The following TC2N variants were observed in gnomAD, a reference collection of about 807,000 sequenced individuals.
The protein encoded by TC2N is tandem C2 domains, nuclear.
TC2N carries 51 observed loss-of-function variants against 61.9 expected under a neutral mutation model. The observed-to-expected ratio is 0.82, with a 90% confidence interval of 0.66 to 1.04. TC2N has a LOEUF of 1.04. Ranked by LOEUF, TC2N falls within the 50% of genes least tolerant of loss-of-function variation. The pLI is 0.00. For synonymous variants in TC2N, 204 were observed against 192.6 expected (o/e 1.06, Z -0.49); for missense variants, 556 against 566.7 (o/e 0.98, Z 0.19).
At position 91,812,440 on chromosome 14, in the gene TC2N, G is replaced by C. The variant is rs1357499190; in HGVS notation, c.173C>G (p.Thr58Ser). Reference sequence around the variant, plus strand: ...TAATTTGGAAAGCAAATAATCCTCAGTACAGCCAAGCTGAGGCTTTACAGA... The same window carrying C: ...TAATTTGGAAAGCAAATAATCCTCACTACAGCCAAGCTGAGGCTTTACAGA... ...SVSVKPQLGC[T>S]EDYLLSKLPS... Residue 58 changes from threonine (T) to serine (S), a missense_variant, in exon 3 of 12, where the codon ACT becomes AGT. Thr to Ser is a moderately conservative substitution (Grantham distance 58). Transcript: ENST00000435962. 1.2e-6 allele frequency: 2 copies of C among 1,612,038 alleles called. No individual in the cohort carries two copies. Among genetic ancestry groups the C allele is most frequent in the Non-Finnish European group, 1.7e-6 (2 of 1,178,570 alleles).
intron 1 of TC2N, among the ~76,000 whole-genome samples, chr14:91,846,168 A>G (rs1208065835): frequency 6.6e-6 from 1 of 152,148 alleles, no homozygotes. Context: ...TCACACCTGC[A>G]TTAGGATTGG....
intron 3 of TC2N, among the ~76,000 whole-genome samples, chr14:91,809,598 A>T (rs1886676269): frequency 6.6e-6 from 1 of 152,140 alleles, no homozygotes; most frequent in Non-Finnish European, 1.5e-5. Flanking sequence ...GTAATGGCAC[A>T]AAGTGAGTTA....
At chr14:91,863,287 C>T (rs774146852) in intron 1 of TC2N, among the ~76,000 whole-genome samples, 3 of 152,126 alleles carry the variant, frequency 2.0e-5, no homozygotes, top group Non-Finnish European at 4.4e-5. Context: ...GCTTGCCCAG[C>T]GCAGTAAGGC....
At chr14:91,831,573 T>C (rs766673931) in intron 1 of TC2N, among the ~76,000 whole-genome samples, 10 of 152,192 alleles carry the variant, frequency 6.6e-5, no homozygotes, top group Non-Finnish European at 1.3e-4. Context: ...ACCACACATG[T>C]ATGGAAACTT....
intron 1 of TC2N, among the ~76,000 whole-genome samples, chr14:91,859,865 C>T (rs1161345547): frequency 6.6e-6 from 1 of 152,148 alleles, no homozygotes; most frequent in Non-Finnish European, 1.5e-5. Context: ...ATAAGCCATT[C>T]TGGTTTGTTG....
intron 8 of TC2N, among the ~76,000 whole-genome samples, chr14:91,793,841 G>A (rs1463857541): frequency 2.6e-5 from 4 of 152,046 alleles, no homozygotes; most frequent in Non-Finnish European, 2.9e-5. Context: ...AGGAACAAAC[G>A]TACATCTCCG....
intron 10 of TC2N, among the ~76,000 whole-genome samples, chr14:91,786,543 C>G (rs1885372090): frequency 6.6e-6 from 1 of 152,160 alleles, no homozygotes; most frequent in Non-Finnish European, 1.5e-5. Context: ...CCTTTTCATG[C>G]TTATTCTTTT....
chr14:91,822,480 T>C (rs1326497686), intron 1 of TC2N, among the ~76,000 whole-genome samples: 1 of 152,102 alleles, frequency 6.6e-6, no homozygotes, highest in Non-Finnish European at 1.5e-5. Context: ...TTATTTTGTC[T>C]TTAATTTGGC....
chr14:91,834,455 CTCT>C (rs1197776263), intron 1 of TC2N, among the ~76,000 whole-genome samples: 1 of 151,890 alleles, frequency 6.6e-6, no homozygotes, highest in African/African-American at 2.4e-5. Flanking sequence ...ATCCTTATTT[CTCT>C]TTTTTCTTTT....
intron 8 of TC2N, among the ~76,000 whole-genome samples, chr14:91,794,148 A>C (rs1885789914): frequency 6.6e-6 from 1 of 152,214 alleles, no homozygotes; most frequent in Non-Finnish European, 1.5e-5. Context: ...CAATTCTATG[A>C]AGCCTGAGAG....
At chr14:91,854,203 A>C (rs1348727275) in intron 1 of TC2N, among the ~76,000 whole-genome samples, 4 of 152,134 alleles carry the variant, frequency 2.6e-5, no homozygotes, top group African/African-American at 9.7e-5. Context: ...GTACTGGCCT[A>C]GAGTTTAGGG....
At position 91,797,850 on chromosome 14, in the gene TC2N, T is replaced by C. The variant is rs1414800254; in HGVS notation, c.790A>G (p.Ile264Val). Reference protein sequence around the residue: ...SSYGDTPTVSIKGILTLPKPV... With the variant: ...SSYGDTPTVSVKGILTLPKPV... Reference sequence around the variant, plus strand: ...TTGGGCAATGTAAGTATTCCTTTTATAGAAACAGTAGGAGTGTCTCCATAA... The same window carrying C: ...TTGGGCAATGTAAGTATTCCTTTTACAGAAACAGTAGGAGTGTCTCCATAA... The change falls in exon 8 of 12, where the codon ATA becomes GTA. Residue 264 changes from isoleucine (I) to valine (V), a missense_variant. Transcript: ENST00000435962. The C allele has an allele frequency of 1.2e-6, 2 of 1,611,226 alleles. No homozygotes were observed. Among genetic ancestry groups the C allele is most frequent in the South Asian group, 1.1e-5 (1 of 90,730 alleles).
chr14:91,844,760 C>CAAAA (rs34223127), intron 1 of TC2N, among the ~76,000 whole-genome samples: 6 of 92,558 alleles, frequency 6.5e-5, no homozygotes, highest in African/African-American at 1.0e-4. Context: ...GACTCTGTCT[C>CAAAA]AAAAAAAAAA....
chr14:91,813,778 A>G lies in TC2N; in HGVS notation c.-9T>C, dbSNP rs779311814. ...ATAAATTCTGTTGCCATTACATTCA[A>G]TTTCCAATATCCAGCAAAAGACACA... is the stretch of plus-strand genomic sequence containing the variant. On this transcript the variant is annotated 5_prime_UTR_variant, in exon 2 of 12. Transcript: ENST00000435962. The G allele has an allele frequency of 6.3e-7, 1 of 1,597,250 alleles. No individual in the cohort carries two copies. The highest frequency in any genetic ancestry group is 8.6e-7 in the Non-Finnish European group (1 of 1,166,460).
intron 2 of TC2N, among the ~76,000 whole-genome samples, chr14:91,812,749 G>A (rs186834509): frequency 6.7e-4 from 102 of 151,886 alleles, no homozygotes; most frequent in Non-Finnish European, 1.1e-3. Context: ...TACTGTTAAA[G>A]TGCATTAACT....
At chr14:91,790,222 T>C (rs940525851) in intron 9 of TC2N, among the ~76,000 whole-genome samples, 3 of 152,186 alleles carry the variant, frequency 2.0e-5, no homozygotes, top group African/African-American at 4.8e-5. Context: ...AATACCGAAA[T>C]TTGAGATGTG....
intron 11 of TC2N, among the ~76,000 whole-genome samples, chr14:91,784,073 C>T (rs906281313): frequency 3.9e-5 from 6 of 152,100 alleles, no homozygotes; most frequent in Non-Finnish European, 7.4e-5. Flanking sequence ...CATAGTTCCT[C>T]CTAAGGCTAT....
intron 4 of TC2N, among the ~76,000 whole-genome samples, chr14:91,800,934 TGAGA>T (rs547963250): frequency 3.6e-4 from 45 of 125,934 alleles, no homozygotes; most frequent in East Asian, 1.1e-3. Context: ...ATTCACTGGT[TGAGA>T]GAGATATATA....
At chr14:91,811,454 T>C (rs995735594) in intron 3 of TC2N, among the ~76,000 whole-genome samples, 1 of 151,998 alleles carries the variant, frequency 6.6e-6, no homozygotes, top group Non-Finnish European at 1.5e-5. Context: ...AATGGACTAA[T>C]ACAAATTGTT....
Sources: gnomAD v4.1 joint callset for allele counts (sites outside exome capture counted in the v4.1 genomes callset) on GRCh38, gnomAD v4.1.1 for gene constraint, MANE v1.5 for transcripts, NCBI Gene and HGNC (gene_info 2026-07-23, HGNC 2026-07-21) for gene names.